Variants in SIK3 observed in about 807,000 individuals in gnomAD.
SIK3 encodes the protein SIK family kinase 3, also known as serine/threonine-protein kinase SIK3.
SIK3 carries 28 observed loss-of-function variants against 144.2 expected under a neutral mutation model. The ratio of observed to expected loss-of-function variants is 0.19; its 90% CI spans 0.14 to 0.27. The LOEUF (loss-of-function observed/expected upper bound fraction) is 0.27. Ranked by LOEUF, SIK3 falls within the 10% of genes least tolerant of loss-of-function variation. SIK3 has a pLI of 1.00. For synonymous variants in SIK3, 686 were observed against 676.3 expected (o/e 1.01, Z -0.22); for missense variants, 1,319 against 1,776.0 (o/e 0.74, Z 4.62).
At chr11:116,934,099 C>T (rs1302291280) in intron 3 of SIK3, among the ~76,000 whole-genome samples, 9 of 152,168 alleles carry the variant, frequency 5.9e-5, no homozygotes, top group Non-Finnish European at 1.2e-4. Flanking sequence ...ACTTCCCCTA[C>T]GCACTTTATC....
intron 21 of SIK3, among the ~76,000 whole-genome samples, chr11:116,856,196 C>CA (rs780021390): frequency 0.53 from 61,514 of 115,324 alleles, 17,137 homozygotes; most frequent in Non-Finnish European, 0.66. Flanking sequence ...GACTCCGTCT[C>CA]AAAAAAAAAA....
intron 22 of SIK3, among the ~76,000 whole-genome samples, chr11:116,848,216 G>A (rs1039099590): frequency 7.2e-5 from 11 of 152,034 alleles, no homozygotes; most frequent in East Asian, 5.8e-4. Flanking sequence ...AAAGGGTGGC[G>A]GGCGCCTGTA....
chr11:117,088,775 C>T (rs1340040018), intron 1 of SIK3, among the ~76,000 whole-genome samples: 1 of 152,072 alleles, frequency 6.6e-6, no homozygotes, highest in African/African-American at 2.4e-5. Flanking sequence ...CTCCTGGGCT[C>T]AAGCGATCCT....
rs1287787070 is a variant in SIK3 at position 116,859,265 on chromosome 11, C to T, written c.2765G>A (p.Ser922Asn). Residue 922 changes from serine (S) to asparagine (N), a missense_variant and splice_region_variant, in exon 20 of 25, where the codon AGC becomes AAC. Around this residue, in one of 8 missense-constraint regions of SIK3, gnomAD observed 646 missense variants for 763.7 expected, o/e 0.85. Transcript: ENST00000445177. ...QLSADSAEAH[S>N]LNVNRFSPAN... Reference sequence around the variant, plus strand: ...GCTGGGTGACGTTAGGCGGTCTTACCTGTGAGCCTCTGCACTGTCAGCACT... The same window carrying T: ...GCTGGGTGACGTTAGGCGGTCTTACTTGTGAGCCTCTGCACTGTCAGCACT... 6.2e-7 allele frequency: 1 copy of T among 1,600,012 alleles called. No homozygotes were observed. Among genetic ancestry groups the T allele is most frequent in the East Asian group, 2.2e-5 (1 of 44,566 alleles).
At chr11:116,985,485 G>A (rs2135533697) in intron 1 of SIK3, among the ~76,000 whole-genome samples, 1 of 152,290 alleles carries the variant, frequency 6.6e-6, no homozygotes. Context: ...TTGTAAATTA[G>A]CACTATGCTT....
intron 1 of SIK3, among the ~76,000 whole-genome samples, chr11:116,957,937 A>G (rs1197303518): frequency 6.6e-6 from 1 of 152,222 alleles, no homozygotes; most frequent in African/African-American, 2.4e-5. Context: ...GATACTCATC[A>G]GCAAATACAT....
chr11:116,967,922 G>A (rs533835532), intron 1 of SIK3, among the ~76,000 whole-genome samples: 44 of 152,126 alleles, frequency 2.9e-4, no homozygotes, highest in African/African-American at 9.4e-4. Flanking sequence ...TGCCCCTCTG[G>A]GATTCCTTCA....
In SIK3 at chr11:116,857,798, G is replaced by A; in HGVS notation, c.3655+12C>T. On this transcript the variant is annotated intron_variant, in intron 21 of 24. Transcript: ENST00000445177. ...GACTGGCCCAGGACTTCCACTGTGA[G>A]GAGACACTTACCTCTGCTGGGCACC... 3.7e-6 allele frequency: 6 copies of A among 1,613,582 alleles called. No homozygotes were observed. The highest frequency in any genetic ancestry group is 5.1e-6 in the Non-Finnish European group (6 of 1,179,676).
intron 13 of SIK3, among the ~76,000 whole-genome samples, chr11:116,871,329 C>T (rs970944395): frequency 2.0e-5 from 3 of 152,200 alleles, no homozygotes; most frequent in East Asian, 1.9e-4. Flanking sequence ...ATAATTTTGT[C>T]GGAAAGCTCC....
intron 3 of SIK3, among the ~76,000 whole-genome samples, chr11:116,947,531 A>ATATG (rs748760831): frequency 0.012 from 1,472 of 124,864 alleles, 26 homozygotes; most frequent in East Asian, 0.047. Context: ...ATATATATAT[A>ATATG]TATGTATGTA....
At position 116,867,961 on chromosome 11, in the gene SIK3, A is replaced by T; in HGVS notation, c.1937T>A (p.Val646Glu). The change falls in exon 15 of 25, where the codon GTA (valine) becomes GAA (glutamate). Residue 646 changes from valine (V) to glutamate (E), a missense_variant. Val to Glu is a moderately radical substitution (Grantham distance 121). Transcript: ENST00000445177. This position sits in a 1 kb window ranked among gnomAD's most constrained non-coding sequence, Gnocchi z 4.1. Reference protein sequence around the residue: ...FRSRVWPPHLVPDQHRSTYKD... With the variant: ...FRSRVWPPHLEPDQHRSTYKD... ...GGCTACTCACCGATGCTGATCAGGT[A>T]CCAGGTGAGGAGGCCAGACCCGGGA... 1 of 1,546,866 alleles carries T rather than the reference A, an allele frequency of 6.5e-7. No homozygotes were observed. The highest frequency in any genetic ancestry group is 8.7e-7 in the Non-Finnish European group (1 of 1,144,872).
intron 1 of SIK3, among the ~76,000 whole-genome samples, chr11:117,051,829 T>C (rs375779888): frequency 2.4e-4 from 36 of 151,932 alleles, no homozygotes; most frequent in Middle Eastern, 3.4e-3. Flanking sequence ...ACGCCTGGCC[T>C]ATAGAGGTTT....
intron 4 of SIK3, among the ~76,000 whole-genome samples, chr11:116,906,915 A>G (rs1174621488): frequency 1.3e-5 from 2 of 152,236 alleles, no homozygotes; most frequent in African/African-American, 4.8e-5. Flanking sequence ...ATATACAAAT[A>G]TATTCAGAGT....
At chr11:116,890,339 G>A (rs577142968) in intron 6 of SIK3, among the ~76,000 whole-genome samples, 2 of 152,298 alleles carry the variant, frequency 1.3e-5, no homozygotes, top group East Asian at 1.9e-4. Flanking sequence ...GCTCAGAACC[G>A]GAGGTGAACA....
intron 1 of SIK3, among the ~76,000 whole-genome samples, chr11:116,977,809 C>A (rs1221179592): frequency 6.6e-6 from 1 of 152,148 alleles, no homozygotes; most frequent in Non-Finnish European, 1.5e-5. Context: ...GTTTCATCTT[C>A]TTCCTAGGCA....
intron 1 of SIK3, among the ~76,000 whole-genome samples, chr11:116,997,439 C>T (rs1259249867): frequency 1.3e-5 from 2 of 152,118 alleles, no homozygotes; most frequent in Admixed American, 1.3e-4. Flanking sequence ...ATCTATGTAC[C>T]GTATTCTATA....
intron 6 of SIK3, among the ~76,000 whole-genome samples, chr11:116,880,233 T>C (rs1565402360): frequency 6.6e-6 from 1 of 151,908 alleles, no homozygotes; most frequent in South Asian, 2.1e-4. Context: ...TAGTTCAATT[T>C]CAGGATCTTG....
intron 1 of SIK3, among the ~76,000 whole-genome samples, chr11:117,078,860 T>C (rs541412287): frequency 6.6e-6 from 1 of 152,350 alleles, no homozygotes; most frequent in South Asian, 2.1e-4. Context: ...TTCTGCCACC[T>C]ACCCCTCTGT....
intron 1 of SIK3, among the ~76,000 whole-genome samples, chr11:117,066,863 G>A (rs1312768296): frequency 6.6e-6 from 1 of 152,064 alleles, no homozygotes; most frequent in Admixed American, 6.6e-5. Flanking sequence ...ATGAGCAAAA[G>A]ATCTGAACAA....
Sources: gnomAD v4.1 joint callset for allele counts (sites outside exome capture counted in the v4.1 genomes callset) on GRCh38, gnomAD v4.1.1 for gene constraint, gnomAD v4.1.1 regional missense constraint, Gnocchi (gnomAD v3.1) non-coding constraint, MANE v1.5 for transcripts, NCBI Gene and HGNC (gene_info 2026-07-23, HGNC 2026-07-21) for gene names.